The following PRIMPOL variants were observed in gnomAD, a reference collection of about 807,000 sequenced individuals.
PRIMPOL encodes the protein DNA-directed primase/polymerase protein.
In PRIMPOL, 54 loss-of-function variants were observed where a neutral mutation model predicts 63.6. The observed-to-expected ratio is 0.85, with a 90% CI of 0.68 to 1.07. The LOEUF is 1.07. Ranked by LOEUF, PRIMPOL falls within the 50% of genes least tolerant of loss-of-function variation. PRIMPOL has a pLI of 0.00. For missense variants in PRIMPOL, 610 were observed against 648.3 expected (o/e 0.94, Z 0.64); for synonymous variants, 197 against 220.2 (o/e 0.89, Z 0.93).
intron 4 of PRIMPOL, among the ~76,000 whole-genome samples, chr4:184,660,465 G>A (rs2150049326): frequency 2.6e-5 from 4 of 152,296 alleles, no homozygotes; most frequent in Admixed American, 2.6e-4. Context: ...ACCAGCATGA[G>A]CCACCGCACC....
At chr4:184,674,803 G>A (rs142102722) in intron 7 of PRIMPOL, among the ~76,000 whole-genome samples, 3 of 152,136 alleles carry the variant, frequency 2.0e-5, no homozygotes, top group African/African-American at 4.8e-5. Flanking sequence ...TGTATTTGTC[G>A]ATACTGTAAG....
rs1560961149 is a variant in PRIMPOL, at chr4:184,661,778, A to C, written c.283A>C (p.Asn95His). 1 of 1,593,932 alleles carries C rather than the reference A, an allele frequency of 6.3e-7. No homozygotes were observed. Among genetic ancestry groups the C allele is most frequent in the Non-Finnish European group, 8.6e-7 (1 of 1,166,940 alleles). The change falls in exon 5 of 14, where the codon AAT becomes CAT. Residue 95 changes from asparagine (N) to histidine (H), a missense_variant. By Grantham distance (68) the Asn-to-His change is moderately conservative. Transcript: ENST00000314970. ...EFWFYYKSRKNLLHCYEVIPE... is the reference protein window; with the variant it reads ...EFWFYYKSRKHLLHCYEVIPE... ...ATCTTGAATTATTCAATTTAGAAAA[A>C]ATCTCTTACACTGCTATGAAGTTAT...
rs771699834 is a variant in PRIMPOL, at chr4:184,672,195, G to T, written c.579G>T (p.Leu193Phe). The stretch of plus-strand genomic sequence containing the variant: ...TAGGTAATTTTTTGAGAAAAATTTT[G>T]CAGCCTGCTCTTGACTTGCTTGGCA... ...IHVGNFLRKI[L>F]QPALDLLGSE... Residue 193 changes from leucine (L) to phenylalanine (F), a missense_variant, in exon 7 of 14, where the codon TTG becomes TTT. Around this residue, in one of 3 missense-constraint regions of PRIMPOL, gnomAD observed 444 missense variants for 456.4 expected, o/e 0.97. Transcript: ENST00000314970. 6.2e-7 allele frequency: 1 copy of T among 1,602,768 alleles called. No homozygotes were observed. The highest frequency in any genetic ancestry group is 1.4e-5 in the African/African-American group (1 of 74,056).
chr4:184,685,004 G>A (rs574632040), intron 9 of PRIMPOL, among the ~76,000 whole-genome samples: 13 of 152,160 alleles, frequency 8.5e-5, no homozygotes, highest in African/African-American at 3.1e-4. Context: ...ATGACCACAG[G>A]GGCCTTATCT....
chr4:184,672,023 A>G, intron 6 of PRIMPOL, 150 bp from the exon 7 acceptor site: 2 of 723,744 alleles, frequency 2.8e-6, no homozygotes, highest in South Asian at 1.8e-5. Context: ...TACAGGCGTG[A>G]GCCACTGTGC....
At chr4:184,650,384 T>C (rs1489368161) in intron 1 of PRIMPOL, among the ~76,000 whole-genome samples, 1 of 152,250 alleles carries the variant, frequency 6.6e-6, no homozygotes, top group Non-Finnish European at 1.5e-5. Context: ...AAGCCGGCTG[T>C]TGGGAGCTGC....
chr4:184,668,009 C>T (rs1254674622), intron 6 of PRIMPOL, among the ~76,000 whole-genome samples: 1 of 152,150 alleles, frequency 6.6e-6, no homozygotes, highest in Admixed American at 6.5e-5. Flanking sequence ...TTCTCACAAT[C>T]CTTCAGATAT....
At chr4:184,692,504 A>G (rs1199685560) in intron 13 of PRIMPOL, among the ~76,000 whole-genome samples, 2 of 151,354 alleles carry the variant, frequency 1.3e-5, no homozygotes, top group Admixed American at 6.6e-5. Flanking sequence ...GAAAGAAAAT[A>G]CATAAAATTA....
intron 7 of PRIMPOL, among the ~76,000 whole-genome samples, chr4:184,673,235 T>C (rs1483092656): frequency 6.6e-6 from 1 of 151,044 alleles, no homozygotes; most frequent in African/African-American, 2.4e-5. Context: ...GTTCACGCCA[T>C]TCTCCTGCCT....
rs1756786867 is a variant in PRIMPOL at position 184,685,623 on chromosome 4, G to A, written c.1234G>A (p.Asp412Asn). ...TTTCCCAGAAGAATTACTGGTTTAT[G>A]ATATTTGTAAATATCGGTGGTGTGA... is the stretch of plus-strand genomic sequence containing the variant. ...YFFPEELLVYDICKYRWCENI... is the reference protein window; with the variant it reads ...YFFPEELLVYNICKYRWCENI... Residue 412 changes from aspartate (D) to asparagine (N), a missense_variant, in exon 11 of 14, where the codon GAT becomes AAT. By Grantham distance (23) the Asp-to-Asn change is conservative. This residue lies in a region of PRIMPOL where 444 missense variants were observed against 456.4 expected (regional missense o/e 0.97). Transcript: ENST00000314970. The A allele has an allele frequency of 1.2e-6, 2 of 1,612,608 alleles. No individual in the cohort carries two copies. The highest frequency in any genetic ancestry group is 1.7e-6 in the Non-Finnish European group (2 of 1,178,830).
At chr4:184,672,109 G>A (rs1393246112) in intron 6 of PRIMPOL, 64 bp from the exon 7 acceptor site, 18 of 1,394,152 alleles carry the variant, frequency 1.3e-5, no homozygotes, top group Middle Eastern at 1.9e-4. Context: ...TGGATTCCTG[G>A]CTAGACCTTA....
At chr4:184,658,798 C>T (rs1455575845) in intron 3 of PRIMPOL, among the ~76,000 whole-genome samples, 2 of 151,370 alleles carry the variant, frequency 1.3e-5, no homozygotes, top group Non-Finnish European at 2.9e-5. Flanking sequence ...ATCCCAGCTA[C>T]TTGGGAGGCT....
intron 13 of PRIMPOL, among the ~76,000 whole-genome samples, chr4:184,694,015 T>G (rs546288585): frequency 1.3e-5 from 2 of 152,202 alleles, no homozygotes; most frequent in Non-Finnish European, 2.9e-5. Context: ...CAACTAAATG[T>G]CTATACTGAA....
chr4:184,687,313 T>C lies in PRIMPOL; in HGVS notation c.1295+1629T>C, dbSNP rs188873506. ...CTCAAACTCCTGACCTCAAGTGATC[T>C]GCCCGCCTTGGCCTCCCAAAGTGCT... On this transcript the variant is annotated intron_variant, in intron 11 of 13. Coordinates refer to ENST00000314970, the MANE Select transcript of PRIMPOL (RefSeq NM_152683.4). Among the ~76,000 whole-genome samples, 453 of 152,256 alleles carry C rather than the reference T, an allele frequency of 3.0e-3. 2 individuals are homozygous for C. Among genetic ancestry groups the C allele is most frequent in the Non-Finnish European group, 5.4e-3 (370 of 68,000 alleles).
intron 6 of PRIMPOL, among the ~76,000 whole-genome samples, 162 bp from the exon 7 acceptor site, chr4:184,672,011 A>G (rs936858406): frequency 8.5e-5 from 13 of 152,228 alleles, no homozygotes; most frequent in Admixed American, 2.6e-4. Context: ...AAGTGCTGGG[A>G]TTACAGGCGT....
chr4:184,660,282 G>A (rs994175472), intron 4 of PRIMPOL, among the ~76,000 whole-genome samples: 2 of 151,470 alleles, frequency 1.3e-5, no homozygotes, highest in Non-Finnish European at 2.9e-5. Flanking sequence ...CTGAGTTCAA[G>A]CAATTCTCCT....
intron 3 of PRIMPOL, among the ~76,000 whole-genome samples, 165 bp from the exon 4 acceptor site, chr4:184,659,175 G>T (rs560541660): frequency 1.1e-4 from 17 of 152,112 alleles, no homozygotes; most frequent in African/African-American, 4.1e-4. Flanking sequence ...GATTTTGAAT[G>T]GCATAAACCT....
chr4:184,671,254 A>G (rs1343151385), intron 6 of PRIMPOL, among the ~76,000 whole-genome samples: 16 of 152,160 alleles, frequency 1.1e-4, no homozygotes, highest in Non-Finnish European at 2.2e-4. Context: ...AGTTTGAGGC[A>G]GAGGTAGGAG....
At chr4:184,693,149 G>A (rs576889030) in intron 13 of PRIMPOL, among the ~76,000 whole-genome samples, 4 of 152,274 alleles carry the variant, frequency 2.6e-5, no homozygotes, top group African/African-American at 9.6e-5. Flanking sequence ...CCATATGTTT[G>A]AAATGGTGGA....
Sources: allele counts gnomAD v4.1 joint callset (sites outside exome capture counted in the v4.1 genomes callset), GRCh38; gene constraint gnomAD v4.1.1; regional missense constraint gnomAD v4.1.1; transcripts MANE v1.5; gene names NCBI Gene and HGNC (gene_info 2026-07-23, HGNC 2026-07-21).